The following ABTB3 variants were observed in gnomAD, a reference collection of about 807,000 sequenced individuals.
ABTB3 encodes the protein ankyrin repeat and BTB domain containing 3.
the ABTB3 span, chr12:107,658,229 AAAC>A: frequency 6.5e-6 from 1 of 154,946 alleles, no homozygotes; most frequent in Non-Finnish European, 1.4e-5. Flanking sequence ...ATTTAAAAAA[AAAC>A]AAAAACAGGG....
the ABTB3 span, among the ~76,000 whole-genome samples, chr12:107,441,008 A>T: frequency 6.6e-6 from 1 of 152,212 alleles, no homozygotes. Context: ...GTTAGGGTTC[A>T]GTCCTCAACG....
chr12:107,497,858 T>C, the ABTB3 span, among the ~76,000 whole-genome samples: 13 of 152,276 alleles, frequency 8.5e-5, no homozygotes, highest in Non-Finnish European at 1.3e-4. Context: ...CTCTCTGACC[T>C]CACTGGGAAG....
the ABTB3 span, among the ~76,000 whole-genome samples, chr12:107,453,337 C>T: frequency 9.5e-4 from 145 of 152,168 alleles, no homozygotes; most frequent in African/African-American, 3.3e-3. Context: ...GAAATTCTAA[C>T]CCCCAAGGTG....
chr12:107,469,942 C>CTTTCTT, the ABTB3 span, among the ~76,000 whole-genome samples: 7 of 59,302 alleles, frequency 1.2e-4, no homozygotes, highest in Admixed American at 1.9e-4. Flanking sequence ...CTCTTTCTTT[C>CTTTCTT]TCTTTCTTTC....
At chr12:107,478,278 A>C in the ABTB3 span, among the ~76,000 whole-genome samples, 2 of 152,160 alleles carry the variant, frequency 1.3e-5, no homozygotes, top group Admixed American at 1.3e-4. Context: ...TTACACTTTA[A>C]ATTTTTAAGG....
the ABTB3 span, among the ~76,000 whole-genome samples, chr12:107,644,008 C>G: frequency 2.6e-5 from 4 of 152,110 alleles, no homozygotes; most frequent in Admixed American, 6.6e-5. Flanking sequence ...AACCAATTCA[C>G]CCACCTTGGT....
chr12:107,496,359 T>C, the ABTB3 span, among the ~76,000 whole-genome samples: 46,693 of 151,966 alleles, frequency 0.31, 9,390 homozygotes, highest in African/African-American at 0.57. Flanking sequence ...AAATTACACA[T>C]TCCTGAAGTC....
the ABTB3 span, among the ~76,000 whole-genome samples, chr12:107,408,421 T>C: frequency 1.3e-5 from 2 of 152,168 alleles, no homozygotes; most frequent in Non-Finnish European, 2.9e-5. Flanking sequence ...CCCAGTATGA[T>C]TGGGGAGCTT....
chr12:107,544,294 T>C, the ABTB3 span, among the ~76,000 whole-genome samples: 4 of 152,234 alleles, frequency 2.6e-5, no homozygotes, highest in African/African-American at 9.6e-5. Flanking sequence ...TGAGGGGATA[T>C]CTTAGACCCG....
the ABTB3 span, among the ~76,000 whole-genome samples, chr12:107,508,438 C>CTTT: frequency 4.0e-3 from 277 of 69,160 alleles, 63 homozygotes; most frequent in East Asian, 7.4e-3. Flanking sequence ...AAGATCATTT[C>CTTT]TTTTTTTTTT....
the ABTB3 span, among the ~76,000 whole-genome samples, chr12:107,567,815 G>A: frequency 6.6e-6 from 1 of 152,276 alleles, no homozygotes; most frequent in South Asian, 2.1e-4. Context: ...ATCTGAGGTG[G>A]AACAGTTTTA....
the ABTB3 span, among the ~76,000 whole-genome samples, chr12:107,397,832 C>G: frequency 6.6e-6 from 1 of 152,108 alleles, no homozygotes; most frequent in Non-Finnish European, 1.5e-5. Context: ...TAAGGAAAGT[C>G]ATTGGTCCCA....
the ABTB3 span, among the ~76,000 whole-genome samples, chr12:107,327,925 C>T: frequency 6.6e-6 from 1 of 152,152 alleles, no homozygotes; most frequent in African/African-American, 2.4e-5. Flanking sequence ...CCATCTTGGA[C>T]GCATAACTCC....
At chr12:107,441,862 C>T in the ABTB3 span, among the ~76,000 whole-genome samples, 12 of 151,618 alleles carry the variant, frequency 7.9e-5, no homozygotes, top group Non-Finnish European at 1.2e-4. Context: ...ATTGCTTGAG[C>T]CCTGGAGGTT....
chr12:107,373,009 C>T, the ABTB3 span, among the ~76,000 whole-genome samples: 1 of 152,146 alleles, frequency 6.6e-6, no homozygotes, highest in African/African-American at 2.4e-5. Flanking sequence ...GGATGTTAAG[C>T]AGCATCCCTG....
chr12:107,369,354 G>A, the ABTB3 span, among the ~76,000 whole-genome samples: 1 of 151,126 alleles, frequency 6.6e-6, no homozygotes, highest in Non-Finnish European at 1.5e-5. Flanking sequence ...CCATCAAGAT[G>A]AGATGCAACC....
chr12:107,452,618 T>A, the ABTB3 span, among the ~76,000 whole-genome samples: 86 of 152,156 alleles, frequency 5.7e-4, no homozygotes, highest in African/African-American at 2.0e-3. Flanking sequence ...GGGGGGTGGA[T>A]CACCTGAGGT....
chr12:107,466,342 G>A, the ABTB3 span, among the ~76,000 whole-genome samples: 3 of 152,034 alleles, frequency 2.0e-5, no homozygotes, highest in African/African-American at 7.2e-5. Flanking sequence ...AAGGTGGGGC[G>A]CTTGGGACAC....
At chr12:107,401,534 A>G in the ABTB3 span, among the ~76,000 whole-genome samples, 1 of 152,396 alleles carries the variant, frequency 6.6e-6, no homozygotes, top group Middle Eastern at 3.4e-3. Context: ...AAAAAGAGAC[A>G]GAAATAATGG....
Sources: allele counts gnomAD v4.1 joint callset (sites outside exome capture counted in the v4.1 genomes callset), GRCh38; gene constraint gnomAD v4.1.1; transcripts MANE v1.5; gene names NCBI Gene and HGNC (gene_info 2026-07-23, HGNC 2026-07-21).